TSPAN11: variants seen among roughly 807,000 people sequenced by gnomAD.
The protein encoded by TSPAN11 is tetraspanin-11.
In TSPAN11, 29 loss-of-function variants were observed where a neutral mutation model predicts 32.9. The observed-to-expected ratio is 0.88, with a 90% CI of 0.66 to 1.20. TSPAN11 has a LOEUF of 1.20. Ranked by LOEUF, TSPAN11 falls within the 50% of genes most tolerant of loss-of-function variation. TSPAN11 has a pLI of 0.00. For synonymous variants in TSPAN11, 140 were observed against 141.3 expected, an observed-to-expected ratio of 0.99 and a Z score of 0.07; for missense variants, 283 against 329.1, an observed-to-expected ratio of 0.86 and a Z score of 1.08.
chr12:30,962,443 T>G (rs551478907), intron 2 of TSPAN11, among the ~76,000 whole-genome samples: 1 of 152,330 alleles, frequency 6.6e-6, no homozygotes, highest in Admixed American at 6.5e-5. Context: ...TCTTCAAGCC[T>G]CAATTTCCTC....
chr12:30,942,615 CTG>C, intron 1 of TSPAN11, among the ~76,000 whole-genome samples: 1 of 152,052 alleles, frequency 6.6e-6, no homozygotes, highest in East Asian at 1.9e-4. Flanking sequence ...TCCAGGGACT[CTG>C]TGTGTATGTC....
chr12:30,950,589 A>G (rs1017605145), intron 1 of TSPAN11, among the ~76,000 whole-genome samples: 2 of 152,170 alleles, frequency 1.3e-5, no homozygotes, highest in East Asian at 1.9e-4. Flanking sequence ...GAGCAATAGC[A>G]TATTCAAACA....
intron 1 of TSPAN11, among the ~76,000 whole-genome samples, chr12:30,951,040 A>G (rs1938371169): frequency 1.3e-5 from 2 of 152,240 alleles, no homozygotes; most frequent in Non-Finnish European, 2.9e-5. Context: ...AGTCTGTAAT[A>G]TACCTTTTTC....
chr12:30,950,015 C>T (rs1219509698), intron 1 of TSPAN11, among the ~76,000 whole-genome samples: 1 of 152,028 alleles, frequency 6.6e-6, no homozygotes, highest in Non-Finnish European at 1.5e-5. Flanking sequence ...AGAATCTTTC[C>T]TCCCCTGCCT....
intron 2 of TSPAN11, among the ~76,000 whole-genome samples, chr12:30,959,684 G>A (rs1409401221): frequency 6.6e-6 from 1 of 151,732 alleles, no homozygotes; most frequent in Non-Finnish European, 1.5e-5. Context: ...GGAGACTGAG[G>A]CAGGAGAATC....
At chr12:30,964,732 T>C (rs183617714) in intron 3 of TSPAN11, among the ~76,000 whole-genome samples, 2 of 152,356 alleles carry the variant, frequency 1.3e-5, no homozygotes, top group East Asian at 1.9e-4. Flanking sequence ...TATCACACTT[T>C]AAAACAATTA....
intron 3 of TSPAN11, among the ~76,000 whole-genome samples, chr12:30,971,561 G>C (rs1206557548): frequency 6.6e-6 from 1 of 152,046 alleles, no homozygotes; most frequent in Non-Finnish European, 1.5e-5. Flanking sequence ...GCGATATGGT[G>C]AGACCCTATC....
At chr12:31,009,636 C>A in the TSPAN11 span, among the ~76,000 whole-genome samples, 1 of 152,174 alleles carries the variant, frequency 6.6e-6, no homozygotes. Flanking sequence ...CCGGCTTGTA[C>A]AAGCCAGAGC....
rs900010325 is a variant in TSPAN11 at position 30,992,338 on chromosome 12, C to T, written c.*423C>T. 3 of 222,434 alleles carry T rather than the reference C, an allele frequency of 1.3e-5. No individual in the cohort carries two copies. Among genetic ancestry groups the T allele is most frequent in the Admixed American group, 9.8e-5 (2 of 20,406 alleles). 13.8% of individuals were successfully genotyped at this position (222,434 alleles called of 1,614,324 possible). The stretch of plus-strand genomic sequence containing the variant: ...GATTCCCCCACCCATGCCCAGAAGC[C>T]CTGACCTTGCTGTTTCTGGAAAAAG... On this transcript the variant is annotated 3_prime_UTR_variant, in exon 8 of 8. Transcript: ENST00000546076.
At chr12:30,957,415 C>T (rs1938505819) in intron 2 of TSPAN11, among the ~76,000 whole-genome samples, 4 of 152,154 alleles carry the variant, frequency 2.6e-5, no homozygotes, top group Admixed American at 1.3e-4. Flanking sequence ...TCTAGGCCTG[C>T]TGTAGCCCAG....
intron 5 of TSPAN11, 81 bp downstream of exon 5, chr12:30,979,751 C>A: frequency 6.9e-7 from 1 of 1,444,316 alleles, no homozygotes; most frequent in East Asian, 2.3e-5. Context: ...CTGGGTGACC[C>A]TAGGCAAGTT....
intron 3 of TSPAN11, among the ~76,000 whole-genome samples, chr12:30,968,187 A>G (rs1207318262): frequency 2.6e-5 from 4 of 152,238 alleles, no homozygotes; most frequent in African/African-American, 9.6e-5. Context: ...TGAGTCTATC[A>G]CTAGACCAAG....
In TSPAN11 at chr12:30,968,333, C is replaced by A. The variant is rs140112600; in HGVS notation, c.276+4316C>A. On this transcript the variant is annotated intron_variant, in intron 3 of 7. Coordinates refer to ENST00000546076, the MANE Select transcript of TSPAN11 (RefSeq NM_001370302.1). ...GGACCATCCAGCTTCCACACAGGCACGATGTCTGTCCTGGCACAGCCCTTC... is the reference window on the plus strand; with the variant it reads ...GGACCATCCAGCTTCCACACAGGCAAGATGTCTGTCCTGGCACAGCCCTTC... Among the ~76,000 whole-genome samples, 1,252 of 152,318 alleles carry A rather than the reference C, an allele frequency of 8.2e-3. 17 individuals carry two copies. The highest frequency in any genetic ancestry group is 0.029 in the African/African-American group (1,207 of 41,562).
intron 1 of TSPAN11, among the ~76,000 whole-genome samples, chr12:30,928,550 C>A (rs779603351): frequency 7.9e-5 from 12 of 152,176 alleles, no homozygotes; most frequent in Admixed American, 3.3e-4. Flanking sequence ...TCGGATGTCA[C>A]CTGTCACTGA....
intron 1 of TSPAN11, among the ~76,000 whole-genome samples, chr12:30,935,855 G>A (rs1938034936): frequency 6.6e-6 from 1 of 152,172 alleles, no homozygotes. Context: ...AGGCCAGGCT[G>A]GACAGCCCTT....
At chr12:30,964,345 A>G (rs962344948) in intron 3 of TSPAN11, among the ~76,000 whole-genome samples, 9 of 144,572 alleles carry the variant, frequency 6.2e-5, no homozygotes, top group African/African-American at 2.3e-4. Context: ...TCCTTCTCCT[A>G]TTCTGTACCC....
At chr12:30,932,042 C>T (rs1209836954) in intron 1 of TSPAN11, among the ~76,000 whole-genome samples, 1 of 151,764 alleles carries the variant, frequency 6.6e-6, no homozygotes, top group African/African-American at 2.4e-5. Flanking sequence ...TGAGTCATCA[C>T]CGAGACTGTG....
Position 30,975,991 on chromosome 12 carries a change from G to A in TSPAN11, c.277-2570G>A, listed in dbSNP as rs542979950. ...AGTTTGGAGCAGGCAGGAAGGGCAC[G>A]CATGTCAGAAAGGAGCCGCAGGGCC... On this transcript the variant is annotated intron_variant, in intron 3 of 7. Coordinates refer to ENST00000546076, the MANE Select transcript of TSPAN11 (RefSeq NM_001370302.1). This position sits in a 1 kb window ranked among gnomAD's most constrained non-coding sequence, Gnocchi z 4.5. 4.6e-5 allele frequency among the ~76,000 whole-genome samples: 7 copies of A among 152,272 alleles called. No homozygotes were observed. Among genetic ancestry groups the A allele is most frequent in the South Asian group, 2.1e-4 (1 of 4,816 alleles).
At chr12:31,011,562 A>G in the TSPAN11 span, among the ~76,000 whole-genome samples, 1 of 151,364 alleles carries the variant, frequency 6.6e-6, no homozygotes. Context: ...CTTACAACCC[A>G]CTCGCCTCCT....
Sources: allele counts gnomAD v4.1 joint callset (sites outside exome capture counted in the v4.1 genomes callset), GRCh38; gene constraint gnomAD v4.1.1; non-coding constraint Gnocchi (gnomAD v3.1); transcripts MANE v1.5; gene names NCBI Gene and HGNC (gene_info 2026-07-23, HGNC 2026-07-21).